Variants in ANK3 observed in about 807,000 individuals in gnomAD.
ANK3 encodes the protein ankyrin-3.
ANK3 carries 57 observed loss-of-function variants against 370.9 expected under a neutral mutation model. The observed-to-expected ratio is 0.15, with a 90% confidence interval of 0.12 to 0.19. The LOEUF (loss-of-function observed/expected upper bound fraction) is 0.19. Ranked by LOEUF, ANK3 falls within the 10% of genes least tolerant of loss-of-function variation. The pLI is 1.00. For synonymous variants in ANK3, 1,929 were observed against 1,946.3 expected (o/e 0.99, Z 0.23); for missense variants, 4,439 against 5,302.1 (o/e 0.84, Z 5.06).
chr10:60,263,362 T>C (rs1328252633), intron 6 of ANK3, among the ~76,000 whole-genome samples: 2 of 152,198 alleles, frequency 1.3e-5, no homozygotes, highest in African/African-American at 4.8e-5. Flanking sequence ...GACTTTCAGG[T>C]ACCACATGTC....
At chr10:60,647,717 A>G (rs2078727393) in intron 1 of ANK3, among the ~76,000 whole-genome samples, 1 of 152,206 alleles carries the variant, frequency 6.6e-6, no homozygotes, top group South Asian at 2.1e-4. Context: ...CAGTTGCACA[A>G]GGAACAAGTT....
Position 60,316,896 on chromosome 10 carries a change from G to A in ANK3, c.115-37257C>T, listed in dbSNP as rs191407460. Among the ~76,000 whole-genome samples the A allele has an allele frequency of 8.6e-5, 13 of 151,980 alleles. No individual in the cohort carries two copies. In the South Asian group the frequency reaches 1.2e-3, roughly 15 times the overall value. On this transcript the variant is annotated intron_variant, in intron 1 of 43. Transcript: ENST00000280772. Reference sequence around the variant, plus strand: ...CCGAGTAGCTGGACTACAGGCGCCCGCCACCACGCCCAACTAATTTTTTGT... The same window carrying A: ...CCGAGTAGCTGGACTACAGGCGCCCACCACCACGCCCAACTAATTTTTTGT...
chr10:60,228,737 T>C (rs1214808419), intron 8 of ANK3, among the ~76,000 whole-genome samples: 1 of 152,064 alleles, frequency 6.6e-6, no homozygotes, highest in Non-Finnish European at 1.5e-5. Flanking sequence ...CTAACTGATG[T>C]AGAGCTATTT....
intron 28 of ANK3, among the ~76,000 whole-genome samples, chr10:60,091,536 G>A (rs1301057954): frequency 6.7e-6 from 1 of 150,374 alleles, no homozygotes. Context: ...GGAGGGTGGG[G>A]GTGGGAGGAG....
chr10:60,321,422 G>T (rs1441814647), intron 1 of ANK3, among the ~76,000 whole-genome samples: 1 of 151,488 alleles, frequency 6.6e-6, no homozygotes, highest in Non-Finnish European at 1.5e-5. Context: ...GAAAAGAAAA[G>T]AAAAGAAAAG....
intron 8 of ANK3, among the ~76,000 whole-genome samples, chr10:60,232,379 T>C (rs1040489985): frequency 2.6e-5 from 4 of 152,140 alleles, no homozygotes; most frequent in African/African-American, 9.7e-5. Context: ...TTTTTCTCCA[T>C]GTGATAATCA....
intron 16 of ANK3, among the ~76,000 whole-genome samples, chr10:60,194,335 C>CTTGG (rs1403297252): frequency 1.2e-3 from 182 of 152,296 alleles, no homozygotes; most frequent in African/African-American, 4.2e-3. Context: ...TGTTCTCCAA[C>CTTGG]CATCACTATT....
chr10:60,183,209 A>G (rs930310552), intron 17 of ANK3, among the ~76,000 whole-genome samples: 1 of 152,170 alleles, frequency 6.6e-6, no homozygotes, highest in Admixed American at 6.5e-5. Context: ...CAAACCTACT[A>G]TGTGCTCACT....
At chr10:60,355,494 T>C (rs560200506) in intron 1 of ANK3, among the ~76,000 whole-genome samples, 9 of 152,286 alleles carry the variant, frequency 5.9e-5, no homozygotes, top group African/African-American at 9.6e-5. Context: ...AGCTAGGAGA[T>C]TGGGCAAAGT....
chr10:60,417,854 A>G (rs1451144014), intron 2 of ANK3, among the ~76,000 whole-genome samples: 1 of 152,218 alleles, frequency 6.6e-6, no homozygotes, highest in East Asian at 1.9e-4. Flanking sequence ...ATTCATGTAG[A>G]CACACTATCA....
chr10:60,409,474 A>G (rs1360370967), intron 2 of ANK3, among the ~76,000 whole-genome samples: 1 of 152,218 alleles, frequency 6.6e-6, no homozygotes, highest in African/African-American at 2.4e-5. Context: ...TGTATACATA[A>G]AGAAGTTGGC....
At chr10:60,121,128 T>G (rs1054484158) in intron 25 of ANK3, among the ~76,000 whole-genome samples, 1 of 152,116 alleles carries the variant, frequency 6.6e-6, no homozygotes, top group Non-Finnish European at 1.5e-5. Context: ...AACGGAGTAC[T>G]GTTCAGCCAT....
At chr10:60,638,647 A>C (rs1201861549) in intron 1 of ANK3, among the ~76,000 whole-genome samples, 1 of 152,072 alleles carries the variant, frequency 6.6e-6, no homozygotes, top group Non-Finnish European at 1.5e-5. Context: ...CAAGCCTATA[A>C]AGGAAAATAC....
At chr10:60,440,614 G>A (rs1375971722) in intron 2 of ANK3, among the ~76,000 whole-genome samples, 2 of 152,148 alleles carry the variant, frequency 1.3e-5, no homozygotes, top group East Asian at 1.9e-4. Context: ...AGATTTGGGT[G>A]GGGACACAAA....
intron 2 of ANK3, among the ~76,000 whole-genome samples, chr10:60,504,661 A>G (rs1446689733): frequency 1.3e-5 from 2 of 152,200 alleles, no homozygotes; most frequent in East Asian, 1.9e-4. Flanking sequence ...CTCAGATTCA[A>G]TTTCTAGTTT....
intron 36 of ANK3, among the ~76,000 whole-genome samples, chr10:60,079,174 T>TATACACAC (rs1554886676): frequency 8.8e-6 from 1 of 113,770 alleles, no homozygotes; most frequent in Admixed American, 9.3e-5. Flanking sequence ...GCTACCTAGC[T>TATACACAC]ACACACACAC....
intron 2 of ANK3, among the ~76,000 whole-genome samples, chr10:60,476,339 T>C (rs999878714): frequency 1.3e-5 from 2 of 152,194 alleles, no homozygotes; most frequent in Non-Finnish European, 1.5e-5. Context: ...CTTGATGATG[T>C]AAATTGTATA....
At chr10:60,395,829 A>G (rs1051767869) in intron 2 of ANK3, among the ~76,000 whole-genome samples, 1 of 152,130 alleles carries the variant, frequency 6.6e-6, no homozygotes, top group African/African-American at 2.4e-5. Context: ...ATGGGCGAGA[A>G]AGACAAGGAC....
chr10:60,266,712 TA>T (rs1278191293), intron 5 of ANK3, among the ~76,000 whole-genome samples: 1 of 152,208 alleles, frequency 6.6e-6, no homozygotes, highest in Admixed American at 6.5e-5. Context: ...TCTAAGGTGT[TA>T]ATAGCTAAAA....
Sources: gnomAD v4.1 joint callset for allele counts (sites outside exome capture counted in the v4.1 genomes callset) on GRCh38, gnomAD v4.1.1 for gene constraint, MANE v1.5 for transcripts, NCBI Gene and HGNC (gene_info 2026-07-23, HGNC 2026-07-21) for gene names.